The following CDH9 variants were observed in gnomAD, a reference collection of about 807,000 sequenced individuals.
CDH9 encodes cadherin 9.
CDH9 carries 28 observed loss-of-function variants against 70.9 expected under a neutral mutation model. That is an observed-to-expected ratio of 0.40 (90% CI 0.29 to 0.54). The LOEUF is 0.54. Ranked by LOEUF, CDH9 falls within the 20% of genes least tolerant of loss-of-function variation. The pLI is 0.59. For synonymous variants in CDH9, 409 were observed against 343.1 expected, an observed-to-expected ratio of 1.19 and a Z score of -2.12; for missense variants, 874 against 984.4, an observed-to-expected ratio of 0.89 and a Z score of 1.50.
chr5:26,888,393 C>G (rs1163714988), intron 9 of CDH9, among the ~76,000 whole-genome samples: 2 of 151,906 alleles, frequency 1.3e-5, no homozygotes, highest in African/African-American at 4.8e-5. Flanking sequence ...TGGGGTACTG[C>G]TAGGGTAACA....
At chr5:26,912,775 T>G (rs1741075969) in intron 3 of CDH9, among the ~76,000 whole-genome samples, 1 of 152,144 alleles carries the variant, frequency 6.6e-6, no homozygotes, top group Admixed American at 6.6e-5. Context: ...GTGATATGGT[T>G]TGGCTATGTT....
intron 1 of CDH9, among the ~76,000 whole-genome samples, chr5:27,020,330 G>A (rs528863194): frequency 1.3e-5 from 2 of 151,544 alleles, no homozygotes; most frequent in African/African-American, 4.8e-5. Flanking sequence ...TTTTAGATGT[G>A]TAAAATAATT....
intron 1 of CDH9, among the ~76,000 whole-genome samples, chr5:27,013,214 T>G: frequency 6.6e-6 from 1 of 151,888 alleles, no homozygotes; most frequent in East Asian, 1.9e-4. Flanking sequence ...CACCTAAAGT[T>G]TAACTAGGAA....
At chr5:27,038,156 TTTAAG>T (rs1743426027) in intron 1 of CDH9, among the ~76,000 whole-genome samples, 1 of 151,842 alleles carries the variant, frequency 6.6e-6, no homozygotes, top group African/African-American at 2.4e-5. Flanking sequence ...CTGATACAAT[TTTAAG>T]TTTAGTTTTA....
At chr5:26,937,582 C>T (rs77185449) in intron 2 of CDH9, among the ~76,000 whole-genome samples, 2,560 of 152,136 alleles carry the variant, frequency 0.017, 66 homozygotes, top group African/African-American at 0.057. Context: ...AACAAGATGT[C>T]TCTCAATAGT....
intron 2 of CDH9, among the ~76,000 whole-genome samples, chr5:26,956,799 A>T (rs1395809772): frequency 1.3e-5 from 2 of 152,158 alleles, no homozygotes; most frequent in African/African-American, 4.8e-5. Context: ...ACCCAGTTTC[A>T]GTCATGCTGT....
Position 26,885,464 on chromosome 5 carries a change from A to AT in CDH9, c.1882+149dup, listed in dbSNP as rs376704326. On this transcript the variant is annotated intron_variant, in intron 11 of 11. Coordinates refer to ENST00000231021, the MANE Select transcript of CDH9 (RefSeq NM_016279.4). ...CCTATCCCCACACACAAAAACGCTTATTTTTTCCTAATTGAAAGAAGAATT... is the reference window on the plus strand; with the variant it reads ...CCTATCCCCACACACAAAAACGCTTATTTTTTTCCTAATTGAAAGAAGAATT... 3.8e-5 allele frequency: 28 copies of AT among 731,250 alleles called. 2 individuals carry two copies. The South Asian group carries it at 4.4e-4, about 11-fold the overall frequency. The allele number at this position is 731,250 out of a possible 1,614,324, so 45.3% of individuals were successfully genotyped here.
chr5:26,958,507 G>A (rs990724534), intron 2 of CDH9, among the ~76,000 whole-genome samples: 6 of 152,034 alleles, frequency 3.9e-5, no homozygotes, highest in Non-Finnish European at 7.4e-5. Flanking sequence ...GAAGTTCAGC[G>A]GTAAGTCAGA....
chr5:26,952,907 A>G (rs1741877706), intron 2 of CDH9, among the ~76,000 whole-genome samples: 1 of 144,780 alleles, frequency 6.9e-6, no homozygotes, highest in Non-Finnish European at 1.5e-5. Flanking sequence ...ATTCCAAAAA[A>G]AAAAAAAAAA....
intron 9 of CDH9, among the ~76,000 whole-genome samples, chr5:26,887,882 T>C (rs1047537565): frequency 6.6e-6 from 1 of 152,048 alleles, no homozygotes; most frequent in Non-Finnish European, 1.5e-5. Flanking sequence ...GGCAAGCACA[T>C]GAAGCTAGAA....
chr5:26,944,687 G>C (rs1741718013), intron 2 of CDH9, among the ~76,000 whole-genome samples: 2 of 151,962 alleles, frequency 1.3e-5, no homozygotes, highest in Admixed American at 1.3e-4. Context: ...AAAATAAAAA[G>C]ATAATTTATT....
intron 1 of CDH9, among the ~76,000 whole-genome samples, chr5:27,003,487 A>C (rs956989851): frequency 6.6e-6 from 1 of 152,112 alleles, no homozygotes; most frequent in Non-Finnish European, 1.5e-5. Context: ...AGCTACCTCA[A>C]GTCCAATATC....
chr5:26,992,334 T>C (rs1742591337), intron 1 of CDH9, among the ~76,000 whole-genome samples: 1 of 152,096 alleles, frequency 6.6e-6, no homozygotes, highest in Admixed American at 6.6e-5. Context: ...GTTGATTATG[T>C]CATGGAGGTA....
At chr5:27,001,844 A>ACTCTCTCTCTCTCTCT (rs141271541) in intron 1 of CDH9, among the ~76,000 whole-genome samples, 260 of 142,042 alleles carry the variant, frequency 1.8e-3, no homozygotes, top group African/African-American at 5.7e-3. Flanking sequence ...ACACACACAC[A>ACTCTCTCTCTCTCTCT]CTCTCTCTCT....
intron 2 of CDH9, among the ~76,000 whole-genome samples, chr5:26,968,469 A>G (rs187827339): frequency 2.2e-4 from 33 of 152,094 alleles, no homozygotes; most frequent in Middle Eastern, 3.4e-3. Flanking sequence ...TATTTTTAGT[A>G]GAGATGGTGT....
At chr5:26,965,262 A>G (rs1561021480) in intron 2 of CDH9, among the ~76,000 whole-genome samples, 2 of 152,148 alleles carry the variant, frequency 1.3e-5, no homozygotes. Context: ...TCTATTAAAT[A>G]GCTTCTTGTA....
intron 1 of CDH9, among the ~76,000 whole-genome samples, chr5:27,004,792 A>G (rs1284736624): frequency 6.6e-6 from 1 of 152,146 alleles, no homozygotes; most frequent in Admixed American, 6.6e-5. Context: ...TAACTCAAAT[A>G]TGCATTTAAC....
chr5:26,975,585 G>A (rs1742291932), intron 2 of CDH9, among the ~76,000 whole-genome samples: 1 of 152,160 alleles, frequency 6.6e-6, no homozygotes, highest in Non-Finnish European at 1.5e-5. Flanking sequence ...ACATTGTGCT[G>A]TGTTTCTCAA....
chr5:26,964,358 G>A (rs926027871), intron 2 of CDH9, among the ~76,000 whole-genome samples: 16 of 152,224 alleles, frequency 1.1e-4, no homozygotes, highest in African/African-American at 3.9e-4. Flanking sequence ...GTTATGGTGT[G>A]TCCTTTCTCA....
Sources: allele counts gnomAD v4.1 joint callset (sites outside exome capture counted in the v4.1 genomes callset), GRCh38; gene constraint gnomAD v4.1.1; transcripts MANE v1.5; gene names NCBI Gene and HGNC (gene_info 2026-07-23, HGNC 2026-07-21).